SLC22A24: variants seen among roughly 807,000 people sequenced by gnomAD.
The protein encoded by SLC22A24 is steroid transmembrane transporter SLC22A24.
SLC22A24 carries 53 observed loss-of-function variants against 49.8 expected under a neutral mutation model. The observed-to-expected ratio is 1.06, with a 90% CI of 0.85 to 1.34. The LOEUF is 1.34. Ranked by LOEUF, SLC22A24 falls within the 40% of genes most tolerant of loss-of-function variation. The pLI is 0.00. For synonymous variants in SLC22A24, 302 were observed against 256.4 expected (o/e 1.18, Z -1.70); for missense variants, 786 against 675.9 (o/e 1.16, Z -1.81).
chr11:63,124,301 G>A (rs888548099), intron 2 of SLC22A24, among the ~76,000 whole-genome samples: 1 of 152,118 alleles, frequency 6.6e-6, no homozygotes, highest in African/African-American at 2.4e-5. Flanking sequence ...TCTAGCTCCT[G>A]GGGGGAAGAA....
At chr11:63,104,889 G>C (rs1368104424) in intron 4 of SLC22A24, among the ~76,000 whole-genome samples, 1 of 152,076 alleles carries the variant, frequency 6.6e-6, no homozygotes, top group Non-Finnish European at 1.5e-5. Flanking sequence ...TTCGGCATTA[G>C]CTCAAAAGTC....
intron 6 of SLC22A24, among the ~76,000 whole-genome samples, chr11:63,084,068 T>C (rs796602706): frequency 8.5e-5 from 13 of 152,324 alleles, no homozygotes; most frequent in African/African-American, 3.1e-4. Flanking sequence ...TTTACCCTTC[T>C]TACCATATCA....
At chr11:63,084,759 C>T (rs559158385) in intron 6 of SLC22A24, among the ~76,000 whole-genome samples, 6 of 152,194 alleles carry the variant, frequency 3.9e-5, no homozygotes, top group East Asian at 3.9e-4. Flanking sequence ...AACACATTTA[C>T]GTAGAGAAAA....
intron 6 of SLC22A24, among the ~76,000 whole-genome samples, chr11:63,094,877 A>G (rs1301972127): frequency 6.6e-6 from 1 of 152,120 alleles, no homozygotes; most frequent in South Asian, 2.1e-4. Context: ...GATTCTGGAT[A>G]TTAGCCCTTT....
chr11:63,143,191 A>C (rs1404214981), intron 1 of SLC22A24, among the ~76,000 whole-genome samples, 187 bp downstream of exon 1: 1 of 152,218 alleles, frequency 6.6e-6, no homozygotes. Context: ...CCAATATAAT[A>C]CTAATACACT....
rs1247710701 is a variant in SLC22A24 at position 63,143,411 on chromosome 11, G to A, written c.369C>T (p.Asp123=). 2 of 1,518,462 alleles carry A rather than the reference G, an allele frequency of 1.3e-6. No individual in the cohort carries two copies. Among genetic ancestry groups the A allele is most frequent in the Admixed American group, 2.2e-5 (1 of 44,746 alleles). 94.1% of individuals were successfully genotyped at this position (1,518,462 alleles called of 1,614,324 possible). ...TEPCVDGWVY[D]RSSFLSTIVT... ...CGATGGTGGAGAGGAAAGAGCTTCT[G>A]TCGTACACCCAGCCATCCACACAGG... The change falls in exon 1 of 10, where the codon GAC becomes GAT. Residue 123 remains aspartate (D), a synonymous_variant. Transcript: ENST00000612278.
At chr11:63,088,383 T>TCAACAA (rs2135194592) in intron 6 of SLC22A24, among the ~76,000 whole-genome samples, 1 of 151,610 alleles carries the variant, frequency 6.6e-6, no homozygotes, top group East Asian at 1.9e-4. Context: ...AACATCAACA[T>TCAACAA]CAACATCAAC....
chr11:63,127,225 G>C (rs189033422), intron 2 of SLC22A24, among the ~76,000 whole-genome samples: 1 of 152,198 alleles, frequency 6.6e-6, no homozygotes, highest in African/African-American at 2.4e-5. Context: ...GAGAACATGT[G>C]GTGTTTGGCT....
At chr11:63,097,567 C>G (rs983541392) in intron 5 of SLC22A24, among the ~76,000 whole-genome samples, 1 of 152,138 alleles carries the variant, frequency 6.6e-6, no homozygotes. Flanking sequence ...AATCCCATTA[C>G]TGGGTATATA....
intron 1 of SLC22A24, among the ~76,000 whole-genome samples, chr11:63,142,202 C>A (rs1347383739): frequency 6.6e-6 from 1 of 152,178 alleles, no homozygotes; most frequent in Non-Finnish European, 1.5e-5. Context: ...AGTAGCAAAG[C>A]AGTTCCACTC....
intron 1 of SLC22A24, among the ~76,000 whole-genome samples, chr11:63,142,007 G>A (rs544816219): frequency 6.6e-6 from 1 of 152,012 alleles, no homozygotes; most frequent in Non-Finnish European, 1.5e-5. Context: ...GAGTTAGAAG[G>A]CCCCAGACAA....
intron 6 of SLC22A24, among the ~76,000 whole-genome samples, chr11:63,094,824 G>T (rs2087043112): frequency 6.6e-6 from 1 of 152,090 alleles, no homozygotes; most frequent in Middle Eastern, 3.2e-3. Context: ...TTTTTAATGG[G>T]GTTGTTTGTT....
intron 6 of SLC22A24, among the ~76,000 whole-genome samples, chr11:63,086,979 GAA>G (rs1172788555): frequency 7.0e-6 from 1 of 142,102 alleles, no homozygotes; most frequent in Non-Finnish European, 1.5e-5. Context: ...TAGGAAAAAT[GAA>G]AGTTTGCAAA....
At chr11:63,112,376 C>T (rs1462801786) in intron 4 of SLC22A24, among the ~76,000 whole-genome samples, 1 of 152,146 alleles carries the variant, frequency 6.6e-6, no homozygotes. Flanking sequence ...CCGGTTGGTG[C>T]AGAGCTGAGT....
At chr11:63,142,268 G>A (rs1263954032) in intron 1 of SLC22A24, among the ~76,000 whole-genome samples, 1 of 152,164 alleles carries the variant, frequency 6.6e-6, no homozygotes, top group Non-Finnish European at 1.5e-5. Context: ...GCAGGAAGAA[G>A]CTGGAGTGAT....
At chr11:63,080,497 T>C (rs1447555665) in intron 9 of SLC22A24, among the ~76,000 whole-genome samples, 1 of 152,180 alleles carries the variant, frequency 6.6e-6, no homozygotes, top group Non-Finnish European at 1.5e-5. Flanking sequence ...TAATTAGGTA[T>C]GAGGCAATCT....
intron 5 of SLC22A24, among the ~76,000 whole-genome samples, chr11:63,102,204 C>T (rs967327187): frequency 2.0e-5 from 3 of 151,500 alleles, no homozygotes; most frequent in African/African-American, 4.9e-5. Context: ...TTTCACATAC[C>T]CCATAAATAT....
intron 4 of SLC22A24, among the ~76,000 whole-genome samples, chr11:63,113,011 CAAAAAAAAAAAA>C (rs869264212): frequency 8.3e-5 from 1 of 12,028 alleles, no homozygotes; most frequent in South Asian, 4.5e-3. Flanking sequence ...GACTCTGTCT[CAAAAAAAAAAAA>C]AAAAAAAAAA....
chr11:63,088,696 C>T (rs1467382745), intron 6 of SLC22A24, among the ~76,000 whole-genome samples: 1 of 151,956 alleles, frequency 6.6e-6, no homozygotes, highest in Non-Finnish European at 1.5e-5. Context: ...GTTGCAGGAA[C>T]TGCTAACTAG....
Sources: gnomAD v4.1 joint callset for allele counts (sites outside exome capture counted in the v4.1 genomes callset) on GRCh38, gnomAD v4.1.1 for gene constraint, MANE v1.5 for transcripts, NCBI Gene and HGNC (gene_info 2026-07-23, HGNC 2026-07-21) for gene names.